KCNH8: variants seen among roughly 807,000 people sequenced by gnomAD.
KCNH8 encodes potassium voltage-gated channel subfamily H member 8.
A neutral mutation model predicts 103.6 loss-of-function variants in KCNH8; 70 were observed. The observed-to-expected ratio is 0.68, with a 90% CI of 0.56 to 0.82. The LOEUF (loss-of-function observed/expected upper bound fraction) is 0.82, where lower values mean the gene tolerates loss of function less well. KCNH8 is among the 40% of genes least tolerant of loss of function. The pLI is 0.00. For missense variants in KCNH8, 1,217 were observed against 1,329.9 expected, an observed-to-expected ratio of 0.92 and a Z score of 1.32; for synonymous variants, 498 against 489.4, an observed-to-expected ratio of 1.02 and a Z score of -0.23.
chr3:19,242,364 T>C (rs1033085019), intron 1 of KCNH8, among the ~76,000 whole-genome samples: 3 of 152,138 alleles, frequency 2.0e-5, no homozygotes, highest in Non-Finnish European at 4.4e-5. Flanking sequence ...CAGAGGAGGC[T>C]GGGCAACCAC....
At chr3:19,281,560 A>G (rs1473334606) in intron 3 of KCNH8, among the ~76,000 whole-genome samples, 1 of 152,118 alleles carries the variant, frequency 6.6e-6, no homozygotes, top group African/African-American at 2.4e-5. Flanking sequence ...TCATATTCCT[A>G]TGCTAATATG....
At chr3:19,337,731 T>A (rs2065602828) in intron 3 of KCNH8, among the ~76,000 whole-genome samples, 1 of 152,108 alleles carries the variant, frequency 6.6e-6, no homozygotes, top group Non-Finnish European at 1.5e-5. Context: ...AGCCTTACCA[T>A]GTTTTTACTG....
At chr3:19,176,801 T>C (rs1338942180) in intron 1 of KCNH8, among the ~76,000 whole-genome samples, 2 of 152,164 alleles carry the variant, frequency 1.3e-5, no homozygotes, top group Non-Finnish European at 2.9e-5. Context: ...CTCTATAAAA[T>C]TGTATAAACA....
chr3:19,313,185 G>C (rs892263175), intron 3 of KCNH8, among the ~76,000 whole-genome samples: 1 of 151,890 alleles, frequency 6.6e-6, no homozygotes, highest in Non-Finnish European at 1.5e-5. Context: ...TGTGAGTCCT[G>C]ACAAGGCAGG....
At chr3:19,429,861 C>A (rs766823123) in intron 7 of KCNH8, among the ~76,000 whole-genome samples, 2 of 152,144 alleles carry the variant, frequency 1.3e-5, no homozygotes, top group Non-Finnish European at 2.9e-5. Context: ...AAGATAATAG[C>A]CTCCAGCTCC....
chr3:19,154,510 T>C (rs2063161497), intron 1 of KCNH8, among the ~76,000 whole-genome samples: 1 of 152,230 alleles, frequency 6.6e-6, no homozygotes, highest in Non-Finnish European at 1.5e-5. Flanking sequence ...TTCTACAGTC[T>C]AAAGCACACT....
chr3:19,218,158 T>A (rs1452939677), intron 1 of KCNH8, among the ~76,000 whole-genome samples: 4 of 152,240 alleles, frequency 2.6e-5, no homozygotes, highest in South Asian at 4.1e-4. Context: ...GATTTTTTTT[T>A]ATTTTCTTGC....
At chr3:19,467,300 GACACACACAC>G (rs138481664) in intron 11 of KCNH8, among the ~76,000 whole-genome samples, 2 of 148,530 alleles carry the variant, frequency 1.3e-5, no homozygotes, top group South Asian at 2.1e-4. Context: ...TGTATAAGTA[GACACACACAC>G]ACACACACAC....
intron 3 of KCNH8, among the ~76,000 whole-genome samples, chr3:19,294,189 G>T (rs1482731420): frequency 6.6e-6 from 1 of 152,070 alleles, no homozygotes; most frequent in Admixed American, 6.6e-5. Flanking sequence ...AAGTTTACAA[G>T]AATCTCAATT....
chr3:19,365,234 T>C (rs1170607793), intron 5 of KCNH8, among the ~76,000 whole-genome samples: 1 of 152,112 alleles, frequency 6.6e-6, no homozygotes, highest in Non-Finnish European at 1.5e-5. Context: ...TTATCTAAAC[T>C]TTAAAATAGA....
chr3:19,501,039 TAAAG>T (rs1235466059), intron 11 of KCNH8, among the ~76,000 whole-genome samples: 5 of 150,274 alleles, frequency 3.3e-5, no homozygotes, highest in Admixed American at 1.3e-4. Context: ...GCAAGACTAA[TAAAG>T]AAAAAAAGAG....
chr3:19,209,882 G>T (rs527799228), intron 1 of KCNH8, among the ~76,000 whole-genome samples: 3 of 152,182 alleles, frequency 2.0e-5, no homozygotes, highest in African/African-American at 7.2e-5. Context: ...TCAGTGTAAT[G>T]TGTAGTCCCT....
At chr3:19,411,209 G>A (rs1479597070) in intron 7 of KCNH8, among the ~76,000 whole-genome samples, 2 of 151,946 alleles carry the variant, frequency 1.3e-5, no homozygotes, top group Admixed American at 6.6e-5. Context: ...GGTTCGTTCC[G>A]CATGCACAAA....
At chr3:19,204,128 T>C (rs2063689745) in intron 1 of KCNH8, among the ~76,000 whole-genome samples, 1 of 152,084 alleles carries the variant, frequency 6.6e-6, no homozygotes, top group Non-Finnish European at 1.5e-5. Flanking sequence ...ATCATCTGAT[T>C]TGGATGATAA....
At chr3:19,368,349 G>A (rs1352055999) in intron 5 of KCNH8, among the ~76,000 whole-genome samples, 2 of 151,954 alleles carry the variant, frequency 1.3e-5, no homozygotes, top group Non-Finnish European at 2.9e-5. Flanking sequence ...AGATATCTGT[G>A]GTGTATTTTG....
At chr3:19,279,385 A>G (rs550896151) in intron 2 of KCNH8, among the ~76,000 whole-genome samples, 42 of 152,202 alleles carry the variant, frequency 2.8e-4, no homozygotes, top group Admixed American at 1.3e-3. Context: ...GGATGTGACA[A>G]TGTTACAATG....
chr3:19,491,158 TGTGA>T (rs1278913855), intron 11 of KCNH8, among the ~76,000 whole-genome samples: 1 of 152,118 alleles, frequency 6.6e-6, no homozygotes, highest in African/African-American at 2.4e-5. Flanking sequence ...TATATATATG[TGTGA>T]GTGTGTGTGT....
intron 15 of KCNH8, among the ~76,000 whole-genome samples, chr3:19,524,032 T>C (rs1156264805): frequency 6.6e-6 from 1 of 151,840 alleles, no homozygotes; most frequent in Non-Finnish European, 1.5e-5. Flanking sequence ...TATTTAAGAG[T>C]TGCTTTACTA....
intron 5 of KCNH8, among the ~76,000 whole-genome samples, chr3:19,365,959 C>T (rs1023622080): frequency 1.3e-5 from 2 of 152,036 alleles, no homozygotes; most frequent in African/African-American, 4.8e-5. Context: ...GCTTTACTCC[C>T]ACATTTGGAG....
Sources: gnomAD v4.1 joint callset for allele counts (sites outside exome capture counted in the v4.1 genomes callset) on GRCh38, gnomAD v4.1.1 for gene constraint, MANE v1.5 for transcripts, NCBI Gene and HGNC (gene_info 2026-07-23, HGNC 2026-07-21) for gene names.